The following PER3 variants were observed in gnomAD, a reference collection of about 807,000 sequenced individuals.
PER3 encodes period circadian regulator 3.
PER3 carries 107 observed loss-of-function variants against 127.2 expected under a neutral mutation model. The observed-to-expected ratio is 0.84, with a 90% CI of 0.72 to 0.99. The LOEUF is 0.99. PER3 is among the 50% of genes least tolerant of loss of function. The pLI, the probability that PER3 is intolerant of heterozygous loss-of-function variation, is 0.00. For missense variants in PER3, 1,560 were observed against 1,525.8 expected, an observed-to-expected ratio of 1.02 and a Z score of -0.37; for synonymous variants, 618 against 585.8, an observed-to-expected ratio of 1.05 and a Z score of -0.79.
At chr1:7,787,835 T>G in intron 4 of PER3, 1 of 582,176 alleles carries the variant, frequency 1.7e-6, no homozygotes, top group Non-Finnish European at 3.1e-6. Flanking sequence ...GCATAGAAAT[T>G]GAACCTTCAG....
intron 13 of PER3, among the ~76,000 whole-genome samples, chr1:7,818,951 G>A (rs189527647): frequency 5.9e-5 from 9 of 152,306 alleles, no homozygotes; most frequent in Admixed American, 2.6e-4. Flanking sequence ...TACAGGAAGC[G>A]TCAGCTTAAC....
chr1:7,800,773 G>A (rs1316357283), intron 7 of PER3, among the ~76,000 whole-genome samples: 1 of 149,566 alleles, frequency 6.7e-6, no homozygotes, highest in Non-Finnish European at 1.5e-5. Flanking sequence ...GTTGCAATGA[G>A]CCGAGATCAT....
At chr1:7,830,206 A>G in intron 19 of PER3, 45 bp downstream of exon 19, 3 of 1,501,806 alleles carry the variant, frequency 2.0e-6, no homozygotes, top group Non-Finnish European at 2.8e-6. Flanking sequence ...AATGCCAGAC[A>G]TTCACTATGT....
At chr1:7,787,738 G>A (rs992733526) in intron 4 of PER3, 9 of 387,388 alleles carry the variant, frequency 2.3e-5, no homozygotes, top group Admixed American at 7.7e-5. Context: ...CGAGAACACC[G>A]TCCACCCAGG....
intron 19 of PER3, among the ~76,000 whole-genome samples, chr1:7,834,705 A>G (rs1191992200): frequency 6.6e-6 from 1 of 151,432 alleles, no homozygotes; most frequent in African/African-American, 2.4e-5. Flanking sequence ...CAGTCCTCTC[A>G]TCTTGGCCTC....
At chr1:7,839,009 T>A (rs572854177) in intron 21 of PER3, among the ~76,000 whole-genome samples, 13 of 152,144 alleles carry the variant, frequency 8.5e-5, no homozygotes, top group African/African-American at 2.9e-4. Flanking sequence ...CCATAAAGAT[T>A]TTTTTTTCCC....
rs922947787 is a variant in PER3, at chr1:7,820,505, C to G, written c.1822C>G (p.Pro608Ala). Residue 608 changes from proline (P) to alanine (A), a missense_variant, in exon 16 of 22, where the codon CCA becomes GCA. Pro to Ala is a conservative substitution (Grantham distance 27, BLOSUM62 -1). Transcript: ENST00000377532. ...QIPAIPKSEMPTNGRSIDTGG... is the reference protein window; with the variant it reads ...QIPAIPKSEMATNGRSIDTGG... Reference sequence around the variant, plus strand: ...CCCAGCCATACCTAAATCAGAAATGCCAACAAATGGACGGTCCATAGACAC... The same window carrying G: ...CCCAGCCATACCTAAATCAGAAATGGCAACAAATGGACGGTCCATAGACAC... The G allele has an allele frequency of 6.2e-7, 1 of 1,613,658 alleles. No homozygotes were observed. The highest frequency in any genetic ancestry group is 1.1e-5 in the South Asian group (1 of 90,950).
chr1:7,800,699 C>T (rs192498532), intron 7 of PER3, among the ~76,000 whole-genome samples: 3 of 151,850 alleles, frequency 2.0e-5, no homozygotes, highest in East Asian at 1.9e-4. Context: ...TGGTGGCAGG[C>T]GCCTGTAATC....
At position 7,826,726 on chromosome 1, in the gene PER3, AAAAT is replaced by A. The variant is rs770226688; in HGVS notation, c.2188+21_2188+24del. On this transcript the variant is annotated intron_variant, in intron 17 of 21. Transcript: ENST00000377532. This position sits in a 1 kb window ranked among gnomAD's most constrained non-coding sequence, Gnocchi z 4.2. ...TATTTTCAAGGTACGTAATTTTTTA[AAAAT>A]AAATGCCATTAATCTATGTAAATGT... 3 of 1,413,394 alleles carry A rather than the reference AAAAT, an allele frequency of 2.1e-6. No homozygotes were observed. The highest frequency in any genetic ancestry group is 1.7e-5 in the Admixed American group (1 of 59,438). The allele number at this position is 1,413,394 out of a possible 1,614,324, so 87.6% of individuals were successfully genotyped here.
At chr1:7,831,840 C>A (rs2097332897) in intron 19 of PER3, among the ~76,000 whole-genome samples, 1 of 152,128 alleles carries the variant, frequency 6.6e-6, no homozygotes, top group Admixed American at 6.5e-5. Context: ...GGTCCATTTA[C>A]TTTCTTTACT....
intron 4 of PER3, chr1:7,787,205 AC>A: frequency 1.3e-6 from 1 of 780,032 alleles, no homozygotes; most frequent in Non-Finnish European, 1.6e-6. Flanking sequence ...TAGTTCCAAT[AC>A]CTACTACTTC....
rs753337798 is a variant in PER3 at position 7,788,211 on chromosome 1, C to T, written c.557C>T (p.Ala186Val). ...GTATTCTACGCGCACACTGCCAGAGCTCAGCTTCCTTTCTGGAACAACTGG... is the reference window on the plus strand; with the variant it reads ...GTATTCTACGCGCACACTGCCAGAGTTCAGCTTCCTTTCTGGAACAACTGG... ...MRVFYAHTAR[A>V]QLPFWNNWTQ... is the part of the protein sequence containing the mutation. Residue 186 changes from alanine (A) to valine (V), a missense_variant, in exon 5 of 22, where the codon GCT (alanine) becomes GTT (valine). Ala to Val is a moderately conservative substitution (Grantham distance 64, BLOSUM62 0). Coordinates refer to ENST00000377532, the MANE Select transcript of PER3 (RefSeq NM_001377275.1). 9 of 1,614,026 alleles carry T rather than the reference C, an allele frequency of 5.6e-6. No homozygotes were observed. Among genetic ancestry groups the T allele is most frequent in the South Asian group, 1.1e-5 (1 of 91,080 alleles).
intron 14 of PER3, among the ~76,000 whole-genome samples, chr1:7,819,907 C>T (rs967909285): frequency 1.4e-4 from 21 of 151,816 alleles, no homozygotes; most frequent in African/African-American, 4.8e-4. Context: ...ATTGGACACC[C>T]ATGGTATAAG....
chr1:7,795,850 C>G (rs115582039), intron 6 of PER3, among the ~76,000 whole-genome samples: 1 of 152,232 alleles, frequency 6.6e-6, no homozygotes, highest in Admixed American at 6.5e-5. Flanking sequence ...TTTAAGAACT[C>G]GAACCCTGGC....
intron 16 of PER3, among the ~76,000 whole-genome samples, chr1:7,823,633 G>A (rs2097288054): frequency 1.3e-5 from 2 of 148,374 alleles, no homozygotes; most frequent in Non-Finnish European, 3.0e-5. Context: ...TGGGCAACAA[G>A]AGCAAAACTC....
chr1:7,786,377 C>G (rs1316360279), intron 3 of PER3, among the ~76,000 whole-genome samples: 2 of 152,212 alleles, frequency 1.3e-5, no homozygotes, highest in Non-Finnish European at 2.9e-5. Context: ...GCCATATTCT[C>G]TTTAGCACAA....
rs1553309917 is a variant in PER3, at chr1:7,806,812, AAT to A, written c.1137-2058_1137-2057del. On this transcript the variant is annotated intron_variant, in intron 10 of 21. Coordinates refer to ENST00000377532, the MANE Select transcript of PER3 (RefSeq NM_001377275.1). ...CTGTCTCTTAAAAAAAAAAAAAAAAAATATATATATATATATATATATATTAC... is the reference window on the plus strand; with the variant it reads ...CTGTCTCTTAAAAAAAAAAAAAAAAAATATATATATATATATATATATTAC... Among the ~76,000 whole-genome samples the A allele has an allele frequency of 1.9e-3, 118 of 60,628 alleles. 2 individuals carry two copies. Among genetic ancestry groups the A allele is most frequent in the African/African-American group, 3.6e-3 (53 of 14,664 alleles). The allele number at this position is 60,628 out of a possible 152,430, so 39.8% of individuals were successfully genotyped here. A position where few individuals can be genotyped will look rare whatever the true frequency, so the allele number is the denominator to read the frequency against.
chr1:7,835,741 T>G, intron 19 of PER3, 21 bp from the exon 20 acceptor site: 1 of 1,564,808 alleles, frequency 6.4e-7, no homozygotes, highest in Non-Finnish European at 8.8e-7. Context: ...TTTCTAATTA[T>G]GTGTTGTTGA....
chr1:7,809,809 T>G, intron 11 of PER3, 84 bp from the exon 12 acceptor site: 1 of 1,310,628 alleles, frequency 7.6e-7, no homozygotes, highest in Non-Finnish European at 1.1e-6. Context: ...GTCATCTTAA[T>G]TTTTACATGA....
Sources: gnomAD v4.1 joint callset for allele counts (sites outside exome capture counted in the v4.1 genomes callset) on GRCh38, gnomAD v4.1.1 for gene constraint, Gnocchi (gnomAD v3.1) non-coding constraint, MANE v1.5 for transcripts, NCBI Gene and HGNC (gene_info 2026-07-23, HGNC 2026-07-21) for gene names.